The following GBP7 variants were observed in gnomAD, a reference collection of about 807,000 sequenced individuals.
GBP7 encodes guanylate binding protein 7.
In GBP7, 43 loss-of-function variants were observed where a neutral mutation model predicts 61.3. That is an observed-to-expected ratio of 0.70 (90% CI 0.55 to 0.91). GBP7 has a LOEUF of 0.91. GBP7 is among the 40% of genes least tolerant of loss of function. GBP7 has a pLI of 0.00. For missense variants in GBP7, 717 were observed against 740.5 expected, an observed-to-expected ratio of 0.97 and a Z score of 0.37; for synonymous variants, 267 against 271.0, an observed-to-expected ratio of 0.99 and a Z score of 0.14.
chr1:89,150,008 A>G (rs1682155798), intron 6 of GBP7, among the ~76,000 whole-genome samples: 1 of 152,242 alleles, frequency 6.6e-6, no homozygotes, highest in Non-Finnish European at 1.5e-5. Context: ...CCCTGTGAGA[A>G]GCTCTTTTCT....
In GBP7 at chr1:89,171,830, G is replaced by A; in HGVS notation, c.106C>T (p.Gln36Ter). Reference protein sequence around the residue: ...EALEILSAITQPVVVVAIVGL... With the variant: ...EALEILSAIT Reference sequence around the variant, plus strand: ...ACAATTGCCACCACTACTACAGGCTGTGTAATGGCAGACAGGATTTCCAGA... The same window carrying A: ...ACAATTGCCACCACTACTACAGGCTATGTAATGGCAGACAGGATTTCCAGA... The change falls in exon 2 of 11, where the codon CAG (glutamine) becomes TAG (stop). Residue 36 changes from glutamine to a stop codon, truncating the protein, a stop_gained. Coordinates refer to ENST00000294671, the MANE Select transcript of GBP7 (RefSeq NM_207398.3). LOFTEE classifies it high-confidence loss of function. The A allele has an allele frequency of 6.2e-7, 1 of 1,613,868 alleles. No individual in the cohort carries two copies. The highest frequency in any genetic ancestry group is 8.5e-7 in the Non-Finnish European group (1 of 1,179,920).
At chr1:89,152,555 T>C in intron 4 of GBP7, 91 bp from the exon 5 acceptor site, 1 of 1,504,428 alleles carries the variant, frequency 6.6e-7, no homozygotes, top group Non-Finnish European at 9.2e-7. Flanking sequence ...CCTTTTGCAC[T>C]GTTTCTCTTC....
chr1:89,153,459 A>G (rs1452014817), intron 3 of GBP7, among the ~76,000 whole-genome samples: 1 of 152,250 alleles, frequency 6.6e-6, no homozygotes, highest in Non-Finnish European at 1.5e-5. Context: ...TGCCTACAGC[A>G]TAGTAAGTAT....
At chr1:89,162,103 TGG>T (rs1470915552) in intron 3 of GBP7, among the ~76,000 whole-genome samples, 1 of 151,880 alleles carries the variant, frequency 6.6e-6, no homozygotes, top group South Asian at 2.1e-4. Context: ...TCTTAAATTC[TGG>T]GTTATCTGTT....
intron 2 of GBP7, among the ~76,000 whole-genome samples, chr1:89,171,432 T>C (rs950746815): frequency 6.6e-6 from 1 of 152,112 alleles, no homozygotes; most frequent in African/African-American, 2.4e-5. Context: ...ATTGAAACAT[T>C]CATTTTATCT....
At chr1:89,153,006 T>C (rs1315090671) in intron 3 of GBP7, among the ~76,000 whole-genome samples, 1 of 152,214 alleles carries the variant, frequency 6.6e-6, no homozygotes, top group East Asian at 1.9e-4. Context: ...GCCCTAAAAA[T>C]ATTGTTAATG....
intron 3 of GBP7, among the ~76,000 whole-genome samples, chr1:89,154,170 T>C (rs1355680153): frequency 6.6e-6 from 1 of 152,196 alleles, no homozygotes; most frequent in African/African-American, 2.4e-5. Context: ...CCTTGAACAG[T>C]CATACTTTTG....
Position 89,147,730 on chromosome 1 carries a change from G to T in GBP7, c.1202C>A (p.Ala401Glu). 6.2e-7 allele frequency: 1 copy of T among 1,614,198 alleles called. No individual in the cohort carries two copies. The highest frequency in any genetic ancestry group is 8.5e-7 in the Non-Finnish European group (1 of 1,180,020). ...CTCAGCCTGACAATATTTGGCAGAT[G>T]CCTCTTCATTCTGCAGCACAAAGTC... ...KEDFVLQNEE[A>E]SAKYCQAELK... Residue 401 changes from alanine (A) to glutamate (E), a missense_variant, in exon 8 of 11, where the codon GCA becomes GAA. Ala to Glu is a moderately radical substitution (Grantham distance 107, BLOSUM62 -1). Coordinates refer to ENST00000294671, the MANE Select transcript of GBP7 (RefSeq NM_207398.3).
At chr1:89,149,711 A>G (rs1225693623) in intron 6 of GBP7, 139 bp from the exon 7 acceptor site, 3 of 629,626 alleles carry the variant, frequency 4.8e-6, no homozygotes, top group Middle Eastern at 4.2e-4. Context: ...TTTCAATTCT[A>G]CTATTACTAC....
chr1:89,147,607 A>C lies in GBP7; in HGVS notation c.1325T>G (p.Ile442Ser), dbSNP rs765393609. 3.7e-6 allele frequency: 6 copies of C among 1,613,938 alleles called. No individual in the cohort carries two copies. Among genetic ancestry groups the C allele is most frequent in the South Asian group, 1.1e-5 (1 of 91,072 alleles). Residue 442 changes from isoleucine to serine, a missense_variant, in exon 8 of 11, where the codon ATT becomes AGT. Physicochemically the swap from Ile to Ser is moderately radical, Grantham distance 142. This residue lies in a region of GBP7 where 312 missense variants were observed against 310.1 expected (regional missense o/e 1.01). Transcript: ENST00000294671. ...GGGCACTAGTGTATAGTCCTGTTCAATCTTCTTTTTTGCTTCTAAGTAGAT... is the reference window on the plus strand; with the variant it reads ...GGGCACTAGTGTATAGTCCTGTTCACTCTTCTTTTTTGCTTCTAAGTAGAT... Reference protein sequence around the residue: ...HNIYLEAKKKIEQDYTLVPRK... With the variant: ...HNIYLEAKKKSEQDYTLVPRK...
chr1:89,169,087 T>A (rs1491003170), intron 2 of GBP7, among the ~76,000 whole-genome samples: 1 of 152,164 alleles, frequency 6.6e-6, no homozygotes, highest in Non-Finnish European at 1.5e-5. Flanking sequence ...TCTCAAAAGG[T>A]TAGCCATTTG....
At chr1:89,161,830 G>A (rs182334184) in intron 3 of GBP7, among the ~76,000 whole-genome samples, 49 of 151,996 alleles carry the variant, frequency 3.2e-4, no homozygotes, top group East Asian at 1.2e-3. Context: ...TGTCTTCATC[G>A]TGACATCTTT....
intron 3 of GBP7, among the ~76,000 whole-genome samples, chr1:89,160,765 A>G (rs1057282484): frequency 1.3e-5 from 2 of 152,150 alleles, no homozygotes; most frequent in Admixed American, 6.5e-5. Context: ...ACTTAAAAAA[A>G]TTTCTTTTGA....
intron 9 of GBP7, among the ~76,000 whole-genome samples, chr1:89,136,076 A>G (rs1277483631): frequency 6.6e-6 from 1 of 152,250 alleles, no homozygotes; most frequent in African/African-American, 2.4e-5. Flanking sequence ...TGGGCATTAC[A>G]TAATGATAAA....
chr1:89,159,261 G>T (rs1335318682), intron 3 of GBP7, among the ~76,000 whole-genome samples: 1 of 152,082 alleles, frequency 6.6e-6, no homozygotes, highest in African/African-American at 2.4e-5. Flanking sequence ...AAAAACCCTA[G>T]AAGAAAACCT....
At chr1:89,169,205 A>G (rs930190317) in intron 2 of GBP7, among the ~76,000 whole-genome samples, 3 of 152,210 alleles carry the variant, frequency 2.0e-5, no homozygotes, top group Admixed American at 6.5e-5. Context: ...TGTTATGACT[A>G]AAATTTTTAA....
intron 2 of GBP7, among the ~76,000 whole-genome samples, chr1:89,168,596 T>C (rs1647505611): frequency 6.6e-6 from 1 of 152,184 alleles, no homozygotes. Flanking sequence ...ACTATACTCA[T>C]TTGAGACTGA....
chr1:89,141,981 T>C (rs1346819846), intron 8 of GBP7, among the ~76,000 whole-genome samples: 5 of 152,208 alleles, frequency 3.3e-5, no homozygotes, highest in Non-Finnish European at 5.9e-5. Flanking sequence ...GCTTTCTTTT[T>C]TCTTTTGCCT....
chr1:89,168,909 C>T (rs750380221), intron 2 of GBP7, among the ~76,000 whole-genome samples: 1 of 151,914 alleles, frequency 6.6e-6, no homozygotes, highest in East Asian at 1.9e-4. Flanking sequence ...GCGGAGGTTG[C>T]GGTGAGCTGA....
Sources: gnomAD v4.1 joint callset for allele counts (sites outside exome capture counted in the v4.1 genomes callset) on GRCh38, gnomAD v4.1.1 for gene constraint, gnomAD v4.1.1 regional missense constraint, MANE v1.5 for transcripts, NCBI Gene and HGNC (gene_info 2026-07-23, HGNC 2026-07-21) for gene names.